Variants in ASIC2 observed in about 807,000 individuals in gnomAD.
The protein encoded by ASIC2 is acid-sensing ion channel 2.
Under a neutral mutation model 57.3 loss-of-function variants are expected in ASIC2, and 25 were observed. That is an observed-to-expected ratio of 0.44 (90% confidence interval 0.32 to 0.61). The LOEUF is 0.61. Among genes scored for constraint, ASIC2 ranks in the 20% least tolerant of loss-of-function variants. The probability of loss-of-function intolerance (pLI) is 0.06; values close to 1 mark genes in which losing one functional copy is unlikely to be tolerated. For synonymous variants in ASIC2, 319 were observed against 307.5 expected (o/e 1.04, Z -0.39); for missense variants, 641 against 738.1 (o/e 0.87, Z 1.52).
At chr17:33,584,634 C>A (rs1904553205) in intron 1 of ASIC2, among the ~76,000 whole-genome samples, 1 of 152,028 alleles carries the variant, frequency 6.6e-6, no homozygotes, top group Non-Finnish European at 1.5e-5. Flanking sequence ...CTGAGAACAG[C>A]CAGAAGAACC....
chr17:33,630,297 C>T (rs1232207061), intron 1 of ASIC2, among the ~76,000 whole-genome samples: 1 of 152,180 alleles, frequency 6.6e-6, no homozygotes, highest in Non-Finnish European at 1.5e-5. Context: ...GACTATGCCG[C>T]TTCTGTAGGT....
Position 33,028,360 on chromosome 17 carries a change from G to A in ASIC2, c.1020C>T (p.Cys340=), listed in dbSNP as rs1567720754. 1.9e-6 allele frequency: 3 copies of A among 1,614,112 alleles called. No individual in the cohort carries two copies. Among genetic ancestry groups the A allele is most frequent in the Non-Finnish European group, 2.5e-6 (3 of 1,180,016 alleles). Reference sequence around the variant, plus strand: ...AGTCGAGGCCCATCTCTGAGGATCGGCACTCACCCCACGGTGGGGGCAGGT... The same window carrying A: ...AGTCGAGGCCCATCTCTGAGGATCGACACTCACCCCACGGTGGGGGCAGGT... ...LTYLPPPWGE[C]RSSEMGLDFF... Residue 340 remains cysteine, a synonymous_variant, in exon 4 of 10, where the codon TGC becomes TGT. Coordinates refer to ENST00000225823, the MANE Select transcript of ASIC2 (RefSeq NM_183377.2).
At chr17:33,965,658 C>T (rs941520240) in intron 1 of ASIC2, among the ~76,000 whole-genome samples, 2 of 152,146 alleles carry the variant, frequency 1.3e-5, no homozygotes, top group Non-Finnish European at 2.9e-5. Flanking sequence ...AGGAGGAAAG[C>T]AAGACACAGA....
chr17:33,159,051 T>C (rs1027098680), intron 1 of ASIC2, among the ~76,000 whole-genome samples: 8 of 152,238 alleles, frequency 5.3e-5, no homozygotes, highest in Non-Finnish European at 1.2e-4. Context: ...ATGTGCGTGG[T>C]TACCAGCGAG....
At chr17:33,705,164 G>A (rs1176955111) in intron 1 of ASIC2, among the ~76,000 whole-genome samples, 2 of 152,062 alleles carry the variant, frequency 1.3e-5, no homozygotes, top group Non-Finnish European at 2.9e-5. Context: ...TCACAAATTA[G>A]CATTTTACAT....
intron 1 of ASIC2, chr17:34,037,924 A>C (rs1445189694): frequency 2.4e-5 from 39 of 1,613,730 alleles, no homozygotes; most frequent in Non-Finnish European, 3.2e-5. Flanking sequence ...AAAGACACTG[A>C]TAGAAGATCA....
intron 1 of ASIC2, among the ~76,000 whole-genome samples, chr17:34,079,381 G>A: frequency 6.6e-6 from 1 of 152,120 alleles, no homozygotes; most frequent in Non-Finnish European, 1.5e-5. Flanking sequence ...TGTCCATGCT[G>A]TTCTCACTCC....
At chr17:33,309,793 G>A (rs183817408) in intron 1 of ASIC2, among the ~76,000 whole-genome samples, 2 of 151,804 alleles carry the variant, frequency 1.3e-5, no homozygotes, top group African/African-American at 2.4e-5. Flanking sequence ...CCAGCAGACA[G>A]TGTGATCTTA....
chr17:33,855,111 G>T (rs936633029), intron 1 of ASIC2, among the ~76,000 whole-genome samples: 1 of 152,178 alleles, frequency 6.6e-6, no homozygotes, highest in African/African-American at 2.4e-5. Context: ...GTTACCAATT[G>T]TGCAGGCCAA....
chr17:33,915,032 C>T (rs1334179687), intron 1 of ASIC2, among the ~76,000 whole-genome samples: 1 of 152,188 alleles, frequency 6.6e-6, no homozygotes, highest in African/African-American at 2.4e-5. Context: ...ACACAGCTGG[C>T]GTACGCAGGC....
At chr17:33,355,375 T>A (rs964440744) in intron 1 of ASIC2, among the ~76,000 whole-genome samples, 2 of 152,112 alleles carry the variant, frequency 1.3e-5, no homozygotes, top group African/African-American at 4.8e-5. Context: ...AATGTGAGAA[T>A]GTGAGAAACA....
At chr17:33,175,473 T>C (rs944410234) in intron 1 of ASIC2, among the ~76,000 whole-genome samples, 1 of 152,026 alleles carries the variant, frequency 6.6e-6, no homozygotes, top group East Asian at 1.9e-4. Context: ...TGTTTTTTTT[T>C]TCCTGTGTAG....
chr17:33,062,740 G>C (rs1389624171), intron 3 of ASIC2, among the ~76,000 whole-genome samples: 1 of 152,082 alleles, frequency 6.6e-6, no homozygotes, highest in Non-Finnish European at 1.5e-5. Flanking sequence ...TCTCGTTGAT[G>C]TGTCTAATGT....
At chr17:33,478,654 C>T (rs1197418550) in intron 1 of ASIC2, among the ~76,000 whole-genome samples, 1 of 152,128 alleles carries the variant, frequency 6.6e-6, no homozygotes, top group African/African-American at 2.4e-5. Context: ...TACTGGAGAC[C>T]AGAGAGTCTC....
intron 1 of ASIC2, among the ~76,000 whole-genome samples, chr17:33,283,290 C>A (rs942200236): frequency 2.0e-5 from 3 of 152,192 alleles, no homozygotes; most frequent in African/African-American, 7.2e-5. Flanking sequence ...ATTCACAGGG[C>A]TTCCAGGAGC....
chr17:33,122,901 A>C (rs948922874), intron 1 of ASIC2, among the ~76,000 whole-genome samples: 1 of 151,422 alleles, frequency 6.6e-6, no homozygotes, highest in Admixed American at 6.6e-5. Context: ...GCCCAACATC[A>C]CAAATCATCG....
chr17:33,195,823 C>T (rs1386016831), intron 1 of ASIC2, among the ~76,000 whole-genome samples: 1 of 152,176 alleles, frequency 6.6e-6, no homozygotes, highest in Non-Finnish European at 1.5e-5. Flanking sequence ...ACTGCCCTCC[C>T]CTCCTCACCC....
chr17:33,057,978 C>T (rs2092004638), intron 3 of ASIC2, among the ~76,000 whole-genome samples: 1 of 152,050 alleles, frequency 6.6e-6, no homozygotes, highest in African/African-American at 2.4e-5. Flanking sequence ...TCGAGTTTCC[C>T]AGTAAAAGTT....
chr17:33,095,469 C>T (rs1386146275), intron 2 of ASIC2, among the ~76,000 whole-genome samples: 1 of 152,238 alleles, frequency 6.6e-6, no homozygotes, highest in Non-Finnish European at 1.5e-5. Context: ...GCAGTAGGAA[C>T]TCAAAAATGC....
Sources: gnomAD v4.1 joint callset for allele counts (sites outside exome capture counted in the v4.1 genomes callset) on GRCh38, gnomAD v4.1.1 for gene constraint, MANE v1.5 for transcripts, NCBI Gene and HGNC (gene_info 2026-07-23, HGNC 2026-07-21) for gene names.